The following WBP1L variants were observed in gnomAD, a reference collection of about 807,000 sequenced individuals.
WBP1L encodes the protein WW domain binding protein 1 like.
WBP1L carries 17 observed loss-of-function variants against 33.7 expected under a neutral mutation model. The observed-to-expected ratio is 0.50, with a 90% CI of 0.34 to 0.76. The LOEUF is 0.76. Ranked by LOEUF, WBP1L falls within the 30% of genes least tolerant of loss-of-function variation. The probability of loss-of-function intolerance (pLI) is 0.01; values close to 1 mark genes in which losing one functional copy is unlikely to be tolerated. For synonymous variants in WBP1L, 173 were observed against 190.8 expected (o/e 0.91, Z 0.77); for missense variants, 389 against 469.4 (o/e 0.83, Z 1.58).
At chr10:102,776,137 G>T in intron 1 of WBP1L, 1 of 1,376,960 alleles carries the variant, frequency 7.3e-7, no homozygotes, top group Non-Finnish European at 9.4e-7. Context: ...AGACAGCTTC[G>T]GCTTTGCTGC....
chr10:102,769,782 C>T (rs1470896801), intron 1 of WBP1L, among the ~76,000 whole-genome samples: 1 of 152,182 alleles, frequency 6.6e-6, no homozygotes, highest in Admixed American at 6.5e-5. Flanking sequence ...AATCTTCCCT[C>T]TCTGAAATAC....
chr10:102,763,666 G>T (rs1310603802), intron 1 of WBP1L, among the ~76,000 whole-genome samples: 2 of 152,104 alleles, frequency 1.3e-5, no homozygotes, highest in Admixed American at 6.6e-5. Context: ...CCAATCCAAG[G>T]TCACTTTACA....
At chr10:102,812,167 C>T (rs537790573) in intron 3 of WBP1L, among the ~76,000 whole-genome samples, 1 of 152,310 alleles carries the variant, frequency 6.6e-6, no homozygotes, top group Admixed American at 6.5e-5. Context: ...GTTAAGAAGT[C>T]TGAAGTTAGG....
At chr10:102,747,813 C>A (rs901724087) in intron 1 of WBP1L, among the ~76,000 whole-genome samples, 2 of 152,046 alleles carry the variant, frequency 1.3e-5, no homozygotes, top group Non-Finnish European at 2.9e-5. Flanking sequence ...CAGGCATGAG[C>A]CACTCTGCCC....
intron 1 of WBP1L, among the ~76,000 whole-genome samples, chr10:102,776,627 G>C (rs1299752569): frequency 6.6e-6 from 1 of 152,196 alleles, no homozygotes; most frequent in South Asian, 2.1e-4. Flanking sequence ...CTACGTCCCC[G>C]AGGTTTCTCT....
At chr10:102,753,526 T>G (rs533054525) in intron 1 of WBP1L, among the ~76,000 whole-genome samples, 1 of 152,362 alleles carries the variant, frequency 6.6e-6, no homozygotes, top group South Asian at 2.1e-4. Context: ...GGTCATCCTC[T>G]CAGACTTGCA....
intron 2 of WBP1L, among the ~76,000 whole-genome samples, chr10:102,807,778 G>T (rs896765875): frequency 4.6e-5 from 7 of 151,388 alleles, no homozygotes; most frequent in African/African-American, 1.7e-4. Context: ...AATATTATGT[G>T]AGTAATTTTT....
At chr10:102,754,276 C>T (rs1048846632) in intron 1 of WBP1L, among the ~76,000 whole-genome samples, 3 of 152,184 alleles carry the variant, frequency 2.0e-5, no homozygotes, top group African/African-American at 7.2e-5. Context: ...TTGCAAATCC[C>T]TTTGCTACAT....
intron 2 of WBP1L, among the ~76,000 whole-genome samples, chr10:102,804,347 C>A (rs1375718735): frequency 4.7e-5 from 7 of 147,648 alleles, no homozygotes; most frequent in Non-Finnish European, 4.5e-5. Context: ...GAGATCACAC[C>A]ACTCCACTCC....
rs4919678 is a variant in WBP1L, at chr10:102,794,606, C to T, written c.91-3387C>T. Among the ~76,000 whole-genome samples, 766 of 151,476 alleles carry T rather than the reference C, an allele frequency of 5.1e-3. 11 individuals are homozygous for T. Among genetic ancestry groups the T allele is most frequent in the African/African-American group, 0.017 (695 of 41,208 alleles). ...AGAGCTGGGATCTACAAAAATTAGC[C>T]GGGTGTGGTGGCGTGCACCTGTAGT... On this transcript the variant is annotated intron_variant, in intron 1 of 3. Transcript: ENST00000448841.
chr10:102,783,631 T>A (rs631381), intron 1 of WBP1L, among the ~76,000 whole-genome samples: 79,321 of 152,154 alleles, frequency 0.52, 22,150 homozygotes, highest in Non-Finnish European at 0.63. Flanking sequence ...AGTTTTGCCC[T>A]TCCCCCATAG....
At chr10:102,791,124 T>C (rs1232717035) in intron 1 of WBP1L, among the ~76,000 whole-genome samples, 1 of 152,160 alleles carries the variant, frequency 6.6e-6, no homozygotes, top group African/African-American at 2.4e-5. Flanking sequence ...TGGTTCTCAG[T>C]TCCAATTCCC....
chr10:102,773,068 C>T (rs375239628), intron 1 of WBP1L, among the ~76,000 whole-genome samples: 3 of 151,984 alleles, frequency 2.0e-5, no homozygotes, highest in Non-Finnish European at 4.4e-5. Context: ...CATAGGAGAA[C>T]CCATTTTTTC....
chr10:102,774,465 A>G (rs1223191637), intron 1 of WBP1L, among the ~76,000 whole-genome samples: 11 of 152,198 alleles, frequency 7.2e-5, no homozygotes, highest in Non-Finnish European at 1.6e-4. Context: ...GTGAGTCTCA[A>G]GGAAATGGTT....
chr10:102,810,082 C>A (rs1186852873), intron 3 of WBP1L, 28 bp downstream of exon 3: 2 of 1,583,824 alleles, frequency 1.3e-6, no homozygotes, highest in South Asian at 2.3e-5. Context: ...CCCATACCCA[C>A]CCTCAGGAGC....
At chr10:102,767,117 T>G (rs1213099106) in intron 1 of WBP1L, among the ~76,000 whole-genome samples, 1 of 152,168 alleles carries the variant, frequency 6.6e-6, no homozygotes, top group Non-Finnish European at 1.5e-5. Context: ...TTGATGAAGC[T>G]CAAGTTGCAG....
intron 3 of WBP1L, among the ~76,000 whole-genome samples, chr10:102,811,552 C>A (rs1254611413): frequency 6.6e-6 from 1 of 152,114 alleles, no homozygotes; most frequent in Non-Finnish European, 1.5e-5. Flanking sequence ...GCTCTGTCAC[C>A]CAGGCTTGAC....
chr10:102,771,765 G>T lies in WBP1L; in HGVS notation c.91-26228G>T, dbSNP rs12769384. On this transcript the variant is annotated intron_variant, in intron 1 of 3. Transcript: ENST00000448841. ...AGAGGTTGCAGTGAGCCAAGATCGTGCCACCACACTCCAGCCTGGTTGACA... is the reference window on the plus strand; with the variant it reads ...AGAGGTTGCAGTGAGCCAAGATCGTTCCACCACACTCCAGCCTGGTTGACA... Among the ~76,000 whole-genome samples, 638 of 150,086 alleles carry T rather than the reference G, an allele frequency of 4.3e-3. 6 individuals are homozygous for T. The highest frequency in any genetic ancestry group is 6.1e-3 in the Non-Finnish European group (412 of 67,642).
intron 2 of WBP1L, among the ~76,000 whole-genome samples, chr10:102,800,336 C>A (rs1161052873): frequency 6.6e-6 from 1 of 152,164 alleles, no homozygotes; most frequent in African/African-American, 2.4e-5. Context: ...ATTGACAGAG[C>A]CTCCTGGGCT....
Sources: allele counts gnomAD v4.1 joint callset (sites outside exome capture counted in the v4.1 genomes callset), GRCh38; gene constraint gnomAD v4.1.1; transcripts MANE v1.5; gene names NCBI Gene and HGNC (gene_info 2026-07-23, HGNC 2026-07-21).